The following C12orf42 variants were observed in gnomAD, a reference collection of about 807,000 sequenced individuals.
The protein encoded by C12orf42 is chromosome 12 open reading frame 42.
A neutral mutation model predicts 21.6 loss-of-function variants in C12orf42; 25 were observed. That is an observed-to-expected ratio of 1.16 (90% confidence interval 0.84 to 1.62). The LOEUF is 1.62. Ranked by LOEUF, C12orf42 falls within the 40% of genes most tolerant of loss-of-function variation. The pLI is 0.00. For synonymous variants in C12orf42, 174 were observed against 175.0 expected (o/e 0.99, Z 0.05); for missense variants, 483 against 459.3 (o/e 1.05, Z -0.47).
chr12:103,204,446 A>C, the C12orf42 span, among the ~76,000 whole-genome samples: 1 of 152,202 alleles, frequency 6.6e-6, no homozygotes, highest in African/African-American at 2.4e-5. Context: ...AACTTTGAAA[A>C]ATCAGTTGAA....
intron 4 of C12orf42, among the ~76,000 whole-genome samples, chr12:103,335,142 CTTCTT>C (rs2041582176): frequency 6.6e-6 from 1 of 152,218 alleles, no homozygotes; most frequent in South Asian, 2.1e-4. Flanking sequence ...CATCTTTAAT[CTTCTT>C]TTGCTCAAAA....
At chr12:103,162,715 G>T in the C12orf42 span, 1 of 152,112 alleles carries the variant, frequency 6.6e-6, no homozygotes, top group African/African-American at 2.4e-5. Flanking sequence ...TGTGTCACTA[G>T]TTTGGCTGAA....
At chr12:103,194,619 G>GA in the C12orf42 span, among the ~76,000 whole-genome samples, 1 of 151,942 alleles carries the variant, frequency 6.6e-6, no homozygotes, top group Non-Finnish European at 1.5e-5. Flanking sequence ...TGAAAAGGTG[G>GA]AAAACATCTA....
At chr12:103,332,367 G>A (rs2041312871) in intron 4 of C12orf42, among the ~76,000 whole-genome samples, 1 of 152,184 alleles carries the variant, frequency 6.6e-6, no homozygotes, top group African/African-American at 2.4e-5. Context: ...GTACAATTGG[G>A]TGTTTGAGCC....
the C12orf42 span, among the ~76,000 whole-genome samples, chr12:103,149,511 T>G: frequency 6.6e-6 from 1 of 152,322 alleles, no homozygotes; most frequent in Non-Finnish European, 1.5e-5. Flanking sequence ...CACCCAAATC[T>G]TATCTTAAAT....
intron 5 of C12orf42, 133 bp downstream of exon 5, chr12:103,305,841 A>T: frequency 9.0e-7 from 1 of 1,106,300 alleles, no homozygotes; most frequent in Non-Finnish European, 1.3e-6. Flanking sequence ...AAGACTGGCT[A>T]CTACAGTTCT....
chr12:103,298,562 A>G (rs1203877012), downstream of C12orf42, among the ~76,000 whole-genome samples: 2 of 152,182 alleles, frequency 1.3e-5, no homozygotes, highest in African/African-American at 4.8e-5. Flanking sequence ...TGCCACCCCC[A>G]TCAATCTACC....
chr12:103,165,403 A>G, the C12orf42 span, among the ~76,000 whole-genome samples: 1 of 152,224 alleles, frequency 6.6e-6, no homozygotes, highest in Admixed American at 6.5e-5. Context: ...TTTCAAAAGA[A>G]AATTATTTTC....
At chr12:103,388,277 A>G (rs528203317) in intron 3 of C12orf42, among the ~76,000 whole-genome samples, 1 of 152,072 alleles carries the variant, frequency 6.6e-6, no homozygotes, top group East Asian at 1.9e-4. Flanking sequence ...TTTTCTCCAT[A>G]GCTGATGTAA....
At chr12:103,408,418 C>G (rs749837985) in intron 2 of C12orf42, among the ~76,000 whole-genome samples, 17 of 152,122 alleles carry the variant, frequency 1.1e-4, no homozygotes, top group Non-Finnish European at 1.5e-4. Flanking sequence ...GCTTAACACA[C>G]ACAGTAGTCA....
chr12:103,419,706 A>C (rs1293016455), intron 2 of C12orf42, among the ~76,000 whole-genome samples: 3 of 152,154 alleles, frequency 2.0e-5, no homozygotes, highest in Admixed American at 1.3e-4. Context: ...TGATTTCCCC[A>C]GCTTGACCTT....
chr12:103,132,714 A>C, the C12orf42 span, among the ~76,000 whole-genome samples: 1 of 152,160 alleles, frequency 6.6e-6, no homozygotes, highest in Non-Finnish European at 1.5e-5. Flanking sequence ...ACCATTAGTA[A>C]AGATTTCATT....
At chr12:103,092,952 A>G in the C12orf42 span, among the ~76,000 whole-genome samples, 2 of 151,850 alleles carry the variant, frequency 1.3e-5, no homozygotes, top group African/African-American at 2.4e-5. Flanking sequence ...TCCTCTCACC[A>G]CTTCCTGTCC....
the C12orf42 span, among the ~76,000 whole-genome samples, chr12:103,555,476 G>C: frequency 1.3e-5 from 2 of 152,072 alleles, no homozygotes; most frequent in African/African-American, 4.8e-5. Flanking sequence ...GATTTGGGTG[G>C]GGACACAGCC....
At chr12:103,050,213 C>T in the C12orf42 span, among the ~76,000 whole-genome samples, 1 of 135,166 alleles carries the variant, frequency 7.4e-6, no homozygotes, top group South Asian at 2.3e-4. Flanking sequence ...ATTTTCTTTT[C>T]TCACAGGTGT....
At position 103,416,034 on chromosome 12, in the gene C12orf42, G is replaced by T. The variant is rs865991722; in HGVS notation, c.79-14359C>A. 2.7e-3 allele frequency among the ~76,000 whole-genome samples: 400 copies of T among 146,940 alleles called. 2 individuals are homozygous for T. Among genetic ancestry groups the T allele is most frequent in the Middle Eastern group, 0.014 (4 of 284 alleles). On this transcript the variant is annotated intron_variant, in intron 2 of 5. Coordinates refer to ENST00000548883, the MANE Select transcript of C12orf42 (RefSeq NM_198521.5). ...AGGCACCATTGTCTTTGTTTAGTGG[G>T]TTTTTTTTTTTATTGGCCTTTCTGC...
the C12orf42 span, among the ~76,000 whole-genome samples, chr12:103,082,790 C>T: frequency 1.1e-4 from 17 of 152,284 alleles, no homozygotes; most frequent in African/African-American, 3.1e-4. Flanking sequence ...GCTGTTACTG[C>T]GCTATTTTAT....
At chr12:103,536,845 G>A in the C12orf42 span, among the ~76,000 whole-genome samples, 5 of 151,890 alleles carry the variant, frequency 3.3e-5, no homozygotes, top group South Asian at 2.1e-4. Context: ...TTCCCTTACC[G>A]CCCTTAAAAT....
rs56025837 is a variant in C12orf42 at position 103,484,863 on chromosome 12, G to GTTTTT, written c.-21-6421_-21-6417dup. Among the ~76,000 whole-genome samples the GTTTTT allele has an allele frequency of 6.7e-4, 48 of 71,682 alleles. 1 individual carries two copies. In the East Asian group the frequency reaches 8.7e-3, roughly 13 times the overall value. 47.0% of individuals were successfully genotyped at this position (71,682 alleles called of 152,430 possible). A position where few individuals can be genotyped will look rare whatever the true frequency, so the allele number is the denominator to read the frequency against. Reference sequence around the variant, plus strand: ...GGTGTAAGGAAGGGATCTGGTTTCAGTTTTTTTTTTTTTTTTTTTTTTTTG... The same window carrying GTTTTT: ...GGTGTAAGGAAGGGATCTGGTTTCAGTTTTTTTTTTTTTTTTTTTTTTTTTTTTTG... On this transcript the variant is annotated intron_variant, in intron 1 of 5. Transcript: ENST00000548883.
Sources: gnomAD v4.1 joint callset for allele counts (sites outside exome capture counted in the v4.1 genomes callset) on GRCh38, gnomAD v4.1.1 for gene constraint, MANE v1.5 for transcripts, NCBI Gene and HGNC (gene_info 2026-07-23, HGNC 2026-07-21) for gene names.